ABCC4: variants seen among roughly 807,000 people sequenced by gnomAD.
The protein encoded by ABCC4 is ATP binding cassette subfamily C member 4 (PEL blood group), also known as ATP-binding cassette sub-family C member 4.
In ABCC4, 102 loss-of-function variants were observed where a neutral mutation model predicts 168.5. The ratio of observed to expected loss-of-function variants is 0.61; its 90% CI spans 0.52 to 0.71. ABCC4 has a LOEUF of 0.71. Ranked by LOEUF, ABCC4 falls within the 30% of genes least tolerant of loss-of-function variation. The pLI, the probability that ABCC4 is intolerant of heterozygous loss-of-function variation, is 0.00. For missense variants in ABCC4, 1,402 were observed against 1,605.8 expected (o/e 0.87, Z 2.17); for synonymous variants, 617 against 590.7 (o/e 1.04, Z -0.65).
chr13:95,301,325 G>C lies in ABCC4; in HGVS notation c.-11C>G, dbSNP rs1330868322. The C allele has an allele frequency of 6.3e-7, 1 of 1,581,348 alleles. No homozygotes were observed. The highest frequency in any genetic ancestry group is 1.1e-5 in the South Asian group (1 of 87,028). On this transcript the variant is annotated 5_prime_UTR_variant, in exon 1 of 31. Coordinates refer to ENST00000645237, the MANE Select transcript of ABCC4 (RefSeq NM_005845.5). The stretch of plus-strand genomic sequence containing the variant: ...GTACACGGGCAGCATCTTGCCGGGC[G>C]GGGCGGGCGCGGGCCGGGGTCGCGC...
intron 21 of ABCC4, among the ~76,000 whole-genome samples, chr13:95,079,347 C>T (rs529815936): frequency 2.8e-4 from 43 of 152,332 alleles, no homozygotes; most frequent in African/African-American, 1.0e-3. Context: ...GAACTGCATG[C>T]AAAGATCTGG....
chr13:95,260,590 G>A (rs17268275), intron 1 of ABCC4, among the ~76,000 whole-genome samples: 6,990 of 152,224 alleles, frequency 0.046, 235 homozygotes, highest in Non-Finnish European at 0.067. Flanking sequence ...AGTTTACCAA[G>A]AAGACAAAGG....
intron 19 of ABCC4, among the ~76,000 whole-genome samples, chr13:95,152,292 C>CA (rs879305014): frequency 1.3e-5 from 2 of 152,118 alleles, no homozygotes; most frequent in Non-Finnish European, 2.9e-5. Context: ...AGCTGTAAGA[C>CA]AAAAAACACT....
At chr13:95,270,048 T>C (rs944721795) in intron 1 of ABCC4, among the ~76,000 whole-genome samples, 77 of 152,214 alleles carry the variant, frequency 5.1e-4, no homozygotes, top group African/African-American at 1.8e-3. Flanking sequence ...TGTAATTTTC[T>C]GTCATAAGAG....
At chr13:95,079,275 G>A (rs2034010654) in intron 21 of ABCC4, among the ~76,000 whole-genome samples, 1 of 152,112 alleles carries the variant, frequency 6.6e-6, no homozygotes, top group African/African-American at 2.4e-5. Context: ...CCACAACACA[G>A]AGAACTCTTT....
intron 29 of ABCC4, among the ~76,000 whole-genome samples, chr13:95,036,426 T>G (rs1341294668): frequency 1.3e-5 from 2 of 152,222 alleles, no homozygotes; most frequent in African/African-American, 4.8e-5. Flanking sequence ...AGTAAATCTT[T>G]CCAGATTCCC....
At chr13:95,061,005 C>T (rs149309693) in intron 26 of ABCC4, among the ~76,000 whole-genome samples, 361 of 152,262 alleles carry the variant, frequency 2.4e-3, no homozygotes, top group Non-Finnish European at 3.8e-3. Flanking sequence ...TAGTGTCTGT[C>T]CTTTTGTGAC....
chr13:95,268,230 T>G (rs1226920973), intron 1 of ABCC4, among the ~76,000 whole-genome samples: 1 of 152,192 alleles, frequency 6.6e-6, no homozygotes, highest in Non-Finnish European at 1.5e-5. Context: ...GGATGTGCTT[T>G]GCTAAACAAA....
chr13:95,270,100 C>T (rs1566586987), intron 1 of ABCC4, among the ~76,000 whole-genome samples: 1 of 152,082 alleles, frequency 6.6e-6, no homozygotes, highest in Non-Finnish European at 1.5e-5. Context: ...AGAAAATCCA[C>T]ATTTGTATAG....
chr13:95,079,550 C>T (rs149629609), intron 21 of ABCC4, among the ~76,000 whole-genome samples: 1,704 of 152,206 alleles, frequency 0.011, 32 homozygotes, highest in African/African-American at 0.037. Flanking sequence ...GAACACTGCC[C>T]AAAGCTGGGT....
chr13:95,246,578 T>C (rs957479963), intron 3 of ABCC4, among the ~76,000 whole-genome samples: 1 of 152,216 alleles, frequency 6.6e-6, no homozygotes, highest in Admixed American at 6.5e-5. Flanking sequence ...CCAAAATCAC[T>C]TCCTCTAAAC....
chr13:95,222,194 C>T (rs951524317), intron 4 of ABCC4, among the ~76,000 whole-genome samples: 1 of 148,750 alleles, frequency 6.7e-6, no homozygotes, highest in Non-Finnish European at 1.5e-5. Context: ...ACACTTGGAG[C>T]TCCCAGCTCC....
intron 3 of ABCC4, among the ~76,000 whole-genome samples, chr13:95,244,794 T>G (rs1185793732): frequency 6.6e-6 from 1 of 151,746 alleles, no homozygotes. Flanking sequence ...CTAATCCTGC[T>G]GCTGCTTCTA....
chr13:95,094,786 T>A (rs1173736215), intron 20 of ABCC4, among the ~76,000 whole-genome samples: 1 of 151,186 alleles, frequency 6.6e-6, no homozygotes, highest in Non-Finnish European at 1.5e-5. Flanking sequence ...GACAAAGGAG[T>A]AATATCCAGA....
At chr13:95,148,170 G>T (rs1383864956) in intron 19 of ABCC4, among the ~76,000 whole-genome samples, 1 of 152,036 alleles carries the variant, frequency 6.6e-6, no homozygotes, top group Non-Finnish European at 1.5e-5. Context: ...TCAATTTTTA[G>T]CTGTTAGGTA....
rs35329015 is a variant in ABCC4 at position 95,266,827 on chromosome 13, C to CTT, written c.75-19076_75-19075dup. Among the ~76,000 whole-genome samples, 964 of 130,720 alleles carry CTT rather than the reference C, an allele frequency of 7.4e-3. 13 individuals are homozygous for CTT. The highest frequency in any genetic ancestry group is 0.021 in the African/African-American group (739 of 34,520). 85.8% of individuals were successfully genotyped at this position (130,720 alleles called of 152,430 possible). A position where few individuals can be genotyped will look rare whatever the true frequency, so the allele number is the denominator to read the frequency against. On this transcript the variant is annotated intron_variant, in intron 1 of 30. Coordinates refer to ENST00000645237, the MANE Select transcript of ABCC4 (RefSeq NM_005845.5). ...TTTGGTTGTGTCCCTACTCAAATCT[C>CTT]TTTTTTTTTTTTTTGAGATGGAGTT...
At chr13:95,119,118 A>G (rs1169336184) in intron 19 of ABCC4, among the ~76,000 whole-genome samples, 1 of 152,184 alleles carries the variant, frequency 6.6e-6, no homozygotes, top group East Asian at 1.9e-4. Flanking sequence ...GGGTCAGGAT[A>G]TATCCCATGA....
At chr13:95,214,761 C>A (rs58721524) in intron 4 of ABCC4, among the ~76,000 whole-genome samples, 1,789 of 151,802 alleles carry the variant, frequency 0.012, 34 homozygotes, top group African/African-American at 0.041. Flanking sequence ...TGGTGGGCAC[C>A]TGTAATTCCA....
chr13:95,086,553 T>C (rs2034263227), intron 20 of ABCC4, among the ~76,000 whole-genome samples: 2 of 152,238 alleles, frequency 1.3e-5, no homozygotes, highest in Admixed American at 6.5e-5. Context: ...CTGTTTGGCA[T>C]TTAACCACCA....
Sources: allele counts gnomAD v4.1 joint callset (sites outside exome capture counted in the v4.1 genomes callset), GRCh38; gene constraint gnomAD v4.1.1; transcripts MANE v1.5; gene names NCBI Gene and HGNC (gene_info 2026-07-23, HGNC 2026-07-21).